ARHGAP26: variants seen among roughly 807,000 people sequenced by gnomAD.
The protein encoded by ARHGAP26 is rho GTPase-activating protein 26.
In ARHGAP26, 38 loss-of-function variants were observed where a neutral mutation model predicts 104.8. That is an observed-to-expected ratio of 0.36 (90% confidence interval 0.28 to 0.48). ARHGAP26 has a LOEUF of 0.48. ARHGAP26 is among the 20% of genes least tolerant of loss of function. The probability of loss-of-function intolerance (pLI) is 0.99; values close to 1 mark genes in which losing one functional copy is unlikely to be tolerated. For missense variants in ARHGAP26, 704 were observed against 947.9 expected (o/e 0.74, Z 3.38); for synonymous variants, 341 against 340.0 (o/e 1.00, Z -0.03).
intron 2 of ARHGAP26, among the ~76,000 whole-genome samples, chr5:142,874,271 CCTTGTCATTGCACA>C (rs965884746): frequency 1.6e-4 from 24 of 152,214 alleles, no homozygotes; most frequent in Non-Finnish European, 3.2e-4. Flanking sequence ...TTTGCCAGGG[CCTTGTCATTGCACA>C]CTATTCTTCT....
chr5:142,936,780 G>GT lies in ARHGAP26; in HGVS notation c.1107+4662dup, dbSNP rs199828988. ...AAAGCAGTTCAATGGAGGAAGGATA[G>GT]TTTTTTTGAGAAATGGTGCTTTTTA... On this transcript the variant is annotated intron_variant, in intron 11 of 22. Transcript: ENST00000645722. Among the ~76,000 whole-genome samples, 1,338 of 149,978 alleles carry GT rather than the reference G, an allele frequency of 8.9e-3. 17 individuals are homozygous for GT. The highest frequency in any genetic ancestry group is 0.032 in the African/African-American group (1,291 of 40,560).
chr5:143,187,981 A>G (rs1805394748), intron 20 of ARHGAP26, among the ~76,000 whole-genome samples: 1 of 152,150 alleles, frequency 6.6e-6, no homozygotes. Flanking sequence ...AGAGCATTCC[A>G]TCTCACAGGA....
intron 20 of ARHGAP26, chr5:143,172,815 G>A (rs921252200): frequency 6.2e-6 from 1 of 161,588 alleles, no homozygotes; most frequent in Middle Eastern, 2.7e-3. Context: ...GCTTTTGATA[G>A]GAGCTACATG....
intron 12 of ARHGAP26, among the ~76,000 whole-genome samples, chr5:143,021,531 C>T (rs1174331324): frequency 5.9e-5 from 9 of 152,114 alleles, no homozygotes; most frequent in African/African-American, 9.7e-5. Flanking sequence ...GATTCCGCCA[C>T]GTGGATTAGA....
At chr5:142,965,135 C>G (rs939551938) in intron 11 of ARHGAP26, among the ~76,000 whole-genome samples, 1 of 152,150 alleles carries the variant, frequency 6.6e-6, no homozygotes, top group Non-Finnish European at 1.5e-5. Flanking sequence ...ACTTTTAGTA[C>G]TTTCACTAAT....
chr5:142,774,055 T>C (rs1561816111), intron 1 of ARHGAP26, among the ~76,000 whole-genome samples: 1 of 152,220 alleles, frequency 6.6e-6, no homozygotes, highest in Non-Finnish European at 1.5e-5. Context: ...GGAGTAATTA[T>C]GTTACTCAGA....
At chr5:143,051,821 C>G (rs1785076317) in intron 14 of ARHGAP26, among the ~76,000 whole-genome samples, 2 of 152,190 alleles carry the variant, frequency 1.3e-5, no homozygotes, top group South Asian at 4.1e-4. Flanking sequence ...CAACAGTTCA[C>G]AACTCCCAGA....
intron 17 of ARHGAP26, among the ~76,000 whole-genome samples, chr5:143,094,031 A>G (rs1791890042): frequency 6.6e-6 from 1 of 151,932 alleles, no homozygotes; most frequent in Non-Finnish European, 1.5e-5. Context: ...TTCAGCTCCC[A>G]CCTCCTCATG....
At chr5:143,108,648 C>A (rs1213706600) in intron 17 of ARHGAP26, among the ~76,000 whole-genome samples, 2 of 152,014 alleles carry the variant, frequency 1.3e-5, no homozygotes, top group Admixed American at 6.5e-5. Flanking sequence ...CATTCCATTT[C>A]AAAAATATGC....
intron 17 of ARHGAP26, among the ~76,000 whole-genome samples, chr5:143,082,810 T>C (rs777977478): frequency 6.6e-6 from 1 of 152,376 alleles, no homozygotes; most frequent in East Asian, 1.9e-4. Context: ...AGATTATTCA[T>C]TTTCAAATCA....
At chr5:142,792,111 TC>T (rs1263989053) in intron 1 of ARHGAP26, among the ~76,000 whole-genome samples, 1 of 152,236 alleles carries the variant, frequency 6.6e-6, no homozygotes, top group East Asian at 1.9e-4. Flanking sequence ...TTCAGGCCTC[TC>T]ATACATTGTT....
At chr5:143,031,865 G>C (rs246636) in intron 12 of ARHGAP26, among the ~76,000 whole-genome samples, 4 of 151,848 alleles carry the variant, frequency 2.6e-5, no homozygotes, top group African/African-American at 9.7e-5. Context: ...TCATTTGATT[G>C]TACCTTAGAG....
At chr5:143,163,591 C>T (rs1801537963) in intron 20 of ARHGAP26, among the ~76,000 whole-genome samples, 1 of 152,092 alleles carries the variant, frequency 6.6e-6, no homozygotes, top group African/African-American at 2.4e-5. Context: ...GCTGGGATTA[C>T]AGGGGTGCAC....
At chr5:142,889,968 T>G (rs1758267338) in intron 5 of ARHGAP26, among the ~76,000 whole-genome samples, 1 of 149,508 alleles carries the variant, frequency 6.7e-6, no homozygotes, top group African/African-American at 2.5e-5. Context: ...AACCCCCATC[T>G]CTATTAAAAA....
At position 143,226,787 on chromosome 5, in the gene ARHGAP26, GA is replaced by G. The variant is rs1339399834; in HGVS notation, c.*4342del. 1 of 219,148 alleles carries G rather than the reference GA, an allele frequency of 4.6e-6. No individual in the cohort carries two copies. The highest frequency in any genetic ancestry group is 2.3e-5 in the African/African-American group (1 of 43,232). 13.6% of individuals were successfully genotyped at this position (219,148 alleles called of 1,614,324 possible). On this transcript the variant is annotated 3_prime_UTR_variant, in exon 23 of 23. Transcript: ENST00000645722. ...TTCCTCTCACCGAGTGCTTTTCGGT[GA>G]GAGGCAAAGAGAAAGAATGAACAAT...
chr5:143,109,475 T>A (rs1038399159), intron 17 of ARHGAP26, among the ~76,000 whole-genome samples: 5 of 152,094 alleles, frequency 3.3e-5, no homozygotes, highest in African/African-American at 1.2e-4. Flanking sequence ...TTTTTTTTTT[T>A]AGACAGCGTC....
intron 1 of ARHGAP26, among the ~76,000 whole-genome samples, chr5:142,837,009 T>A (rs1597840430): frequency 6.6e-6 from 1 of 152,316 alleles, no homozygotes; most frequent in East Asian, 1.9e-4. Context: ...GATGTGTCCT[T>A]CAGGCACCCT....
intron 11 of ARHGAP26, among the ~76,000 whole-genome samples, chr5:142,955,279 C>T (rs149328773): frequency 7.6e-4 from 115 of 151,914 alleles, no homozygotes; most frequent in African/African-American, 2.2e-3. Context: ...CCAGACTGGG[C>T]GACAGAGTGA....
intron 20 of ARHGAP26, among the ~76,000 whole-genome samples, chr5:143,198,878 G>A (rs1032528659): frequency 6.6e-6 from 1 of 152,194 alleles, no homozygotes; most frequent in South Asian, 2.1e-4. Context: ...ATTGTGTGAT[G>A]CTGAGGTTTG....
Sources: gnomAD v4.1 joint callset for allele counts (sites outside exome capture counted in the v4.1 genomes callset) on GRCh38, gnomAD v4.1.1 for gene constraint, MANE v1.5 for transcripts, NCBI Gene and HGNC (gene_info 2026-07-23, HGNC 2026-07-21) for gene names.